KIAA1217: variants seen among roughly 807,000 people sequenced by gnomAD.
KIAA1217 encodes KIAA1217.
A neutral mutation model predicts 163.9 loss-of-function variants in KIAA1217; 88 were observed. That is an observed-to-expected ratio of 0.54 (90% confidence interval 0.45 to 0.64). The LOEUF (loss-of-function observed/expected upper bound fraction) is 0.64. Ranked by LOEUF, KIAA1217 falls within the 30% of genes least tolerant of loss-of-function variation. The pLI is 0.00. For synonymous variants in KIAA1217, 903 were observed against 923.1 expected (o/e 0.98, Z 0.39); for missense variants, 2,372 against 2,475.0 (o/e 0.96, Z 0.88).
intron 1 of KIAA1217, among the ~76,000 whole-genome samples, chr10:23,808,390 G>T (rs779909277): frequency 2.4e-4 from 37 of 152,158 alleles, no homozygotes; most frequent in Non-Finnish European, 3.7e-4. Flanking sequence ...ATCAATTCAG[G>T]TTATTTAGGA....
At chr10:23,927,157 T>G (rs1310030363) in intron 1 of KIAA1217, among the ~76,000 whole-genome samples, 3 of 152,198 alleles carry the variant, frequency 2.0e-5, no homozygotes, top group African/African-American at 4.8e-5. Context: ...TCCTCCCACC[T>G]CAGCCTCCCA....
chr10:23,763,621 T>C (rs1289847061), intron 1 of KIAA1217, among the ~76,000 whole-genome samples: 1 of 152,118 alleles, frequency 6.6e-6, no homozygotes, highest in Non-Finnish European at 1.5e-5. Flanking sequence ...AAGACTTAAA[T>C]GTAAAACCCA....
chr10:24,350,625 T>A (rs2048338972), intron 2 of KIAA1217, among the ~76,000 whole-genome samples: 1 of 152,238 alleles, frequency 6.6e-6, no homozygotes, highest in Non-Finnish European at 1.5e-5. Flanking sequence ...TTCTTTTATT[T>A]AATTTTTAAC....
chr10:24,266,324 C>A (rs1250829961), intron 2 of KIAA1217, among the ~76,000 whole-genome samples: 1 of 152,174 alleles, frequency 6.6e-6, no homozygotes, highest in African/African-American at 2.4e-5. Flanking sequence ...GGTGATCCGC[C>A]AGCCTCAGCC....
At chr10:23,805,996 CAAAAAAAAAAA>C (rs71397917) in intron 1 of KIAA1217, among the ~76,000 whole-genome samples, 8 of 30,502 alleles carry the variant, frequency 2.6e-4, no homozygotes, top group South Asian at 2.7e-3. Context: ...AACTCCATCT[CAAAAAAAAAAA>C]AAAAAAAAAA....
chr10:23,995,985 G>C (rs1001553062), intron 1 of KIAA1217, among the ~76,000 whole-genome samples: 1 of 152,052 alleles, frequency 6.6e-6, no homozygotes, highest in Admixed American at 6.6e-5. Flanking sequence ...CATCTCACTG[G>C]GGTACCGTGA....
intron 3 of KIAA1217, among the ~76,000 whole-genome samples, chr10:24,419,044 G>A (rs1434544924): frequency 1.3e-5 from 2 of 151,810 alleles, no homozygotes; most frequent in Admixed American, 1.3e-4. Flanking sequence ...GAGTGTGGTG[G>A]CAAGTGCCTG....
At chr10:24,340,349 G>A (rs922069185) in intron 2 of KIAA1217, among the ~76,000 whole-genome samples, 3 of 152,122 alleles carry the variant, frequency 2.0e-5, no homozygotes, top group Non-Finnish European at 2.9e-5. Context: ...TAGGTCTCAC[G>A]AGATCTGATG....
intron 2 of KIAA1217, among the ~76,000 whole-genome samples, chr10:24,257,485 G>A (rs2075288395): frequency 6.6e-6 from 1 of 152,116 alleles, no homozygotes; most frequent in Non-Finnish European, 1.5e-5. Context: ...GGATCAAAAT[G>A]AGTCCTTGAT....
chr10:23,815,791 T>TC (rs1837289967), intron 1 of KIAA1217, among the ~76,000 whole-genome samples: 1 of 152,230 alleles, frequency 6.6e-6, no homozygotes, highest in South Asian at 2.1e-4. Context: ...AATGTTATTG[T>TC]CCCAAGGTAA....
chr10:24,191,943 A>G (rs1279904435), intron 2 of KIAA1217, among the ~76,000 whole-genome samples: 1 of 152,144 alleles, frequency 6.6e-6, no homozygotes. Context: ...TAGTAGAGAC[A>G]GAGTTTTGCC....
chr10:23,919,508 C>T (rs7901227), intron 1 of KIAA1217, among the ~76,000 whole-genome samples: 15,281 of 146,544 alleles, frequency 0.1, 2,168 homozygotes, highest in African/African-American at 0.33. Context: ...CGGGAGGCTG[C>T]GGAAGGAGAA....
At chr10:24,244,935 A>G (rs143613632) in intron 2 of KIAA1217, among the ~76,000 whole-genome samples, 18 of 152,232 alleles carry the variant, frequency 1.2e-4, no homozygotes, top group Middle Eastern at 3.4e-3. Flanking sequence ...CAGCAGGAAC[A>G]GTCTTCAACT....
chr10:23,908,452 C>G (rs1842275963), intron 1 of KIAA1217, among the ~76,000 whole-genome samples: 1 of 152,102 alleles, frequency 6.6e-6, no homozygotes, highest in African/African-American at 2.4e-5. Flanking sequence ...TTCTCTGCTT[C>G]TTCACTGACT....
In KIAA1217 at chr10:23,854,841, G is replaced by A. The variant is rs1335975861; in HGVS notation, c.-320-152384G>A. On this transcript the variant is annotated intron_variant, in intron 1 of 18. Transcript: ENST00000376462. The stretch of plus-strand genomic sequence containing the variant: ...ATCAGAGTCTAGGATTGCAACCCCT[G>A]CCTTTTTTTGTTTTCCATTTGCTTG... Among the ~76,000 whole-genome samples the A allele has an allele frequency of 2.6e-5, 4 of 152,146 alleles. No homozygotes were observed. The East Asian group carries it at 7.7e-4, about 29-fold the overall frequency.
At chr10:24,059,727 G>T (rs1294038720) in intron 2 of KIAA1217, among the ~76,000 whole-genome samples, 1 of 152,026 alleles carries the variant, frequency 6.6e-6, no homozygotes, top group Non-Finnish European at 1.5e-5. Flanking sequence ...ACAGGCACCC[G>T]CCACTGCACC....
At chr10:24,426,054 A>T (rs999370325) in intron 3 of KIAA1217, among the ~76,000 whole-genome samples, 1 of 152,240 alleles carries the variant, frequency 6.6e-6, no homozygotes, top group Non-Finnish European at 1.5e-5. Context: ...GCAGATGGTG[A>T]TCTGCATAGT....
At position 23,965,901 on chromosome 10, in the gene KIAA1217, G is replaced by A. The variant is rs1280712606; in HGVS notation, c.-320-41324G>A. The stretch of plus-strand genomic sequence containing the variant: ...TAAAATGCCCACTAACTTTCAGCAA[G>A]AGTGGGTAAAAGTGTCCCTGTAACA... On this transcript the variant is annotated intron_variant, in intron 1 of 18. Transcript: ENST00000376462. 3.3e-5 allele frequency among the ~76,000 whole-genome samples: 5 copies of A among 152,202 alleles called. No homozygotes were observed. The East Asian group carries it at 9.6e-4, about 29-fold the overall frequency.
chr10:23,874,066 A>G (rs1486802852), intron 1 of KIAA1217, among the ~76,000 whole-genome samples: 2 of 152,038 alleles, frequency 1.3e-5, no homozygotes, highest in African/African-American at 4.8e-5. Context: ...GCAATATTTT[A>G]TGATATCATT....
Sources: gnomAD v4.1 joint callset for allele counts (sites outside exome capture counted in the v4.1 genomes callset) on GRCh38, gnomAD v4.1.1 for gene constraint, MANE v1.5 for transcripts, NCBI Gene and HGNC (gene_info 2026-07-23, HGNC 2026-07-21) for gene names.